EMG1: variants seen among roughly 807,000 people sequenced by gnomAD.
The protein encoded by EMG1 is EMG1 N1-specific pseudouridine methyltransferase, also known as ribosomal RNA small subunit methyltransferase NEP1.
Under a neutral mutation model 26.9 loss-of-function variants are expected in EMG1, and 24 were observed. The observed-to-expected ratio is 0.89, with a 90% CI of 0.65 to 1.26. The LOEUF (loss-of-function observed/expected upper bound fraction) is 1.26, where lower values mean the gene tolerates loss of function less well. EMG1 is among the 50% of genes most tolerant of loss of function. The pLI is 0.00. For synonymous variants in EMG1, 140 were observed against 112.6 expected (o/e 1.24, Z -1.54); for missense variants, 299 against 307.6 (o/e 0.97, Z 0.21).
At position 6,979,627 on chromosome 12, in the gene EMG1, T is replaced by A; in HGVS notation, c.*3818T>A. On this transcript the variant is annotated 3_prime_UTR_variant, in exon 6 of 6. Coordinates refer to ENST00000599672, the MANE Select transcript of EMG1 (RefSeq NM_006331.8). Reference sequence around the variant, plus strand: ...CCTGGTCACAGAGAGCAGAGACTATTCCCTTCACCCTCTGACCTTCAGTTA... The same window carrying A: ...CCTGGTCACAGAGAGCAGAGACTATACCCTTCACCCTCTGACCTTCAGTTA... 1 of 1,302,436 alleles carries A rather than the reference T, an allele frequency of 7.7e-7. No individual in the cohort carries two copies. Among genetic ancestry groups the A allele is most frequent in the Non-Finnish European group, 1.1e-6 (1 of 897,380 alleles). 80.7% of individuals were successfully genotyped at this position (1,302,436 alleles called of 1,614,324 possible).
In EMG1 at chr12:6,976,972, C is replaced by T; in HGVS notation, c.*1163C>T. Reference sequence around the variant, plus strand: ...TATAGCCCTTCCAGATGTTTCCTAGCATGCCTCAATAAGTCACAGTAGTCA... The same window carrying T: ...TATAGCCCTTCCAGATGTTTCCTAGTATGCCTCAATAAGTCACAGTAGTCA... On this transcript the variant is annotated 3_prime_UTR_variant, in exon 6 of 6. Coordinates refer to ENST00000599672, the MANE Select transcript of EMG1 (RefSeq NM_006331.8). 3.3e-6 allele frequency: 2 copies of T among 603,536 alleles called. No individual in the cohort carries two copies. The highest frequency in any genetic ancestry group is 3.0e-6 in the Non-Finnish European group (1 of 334,726). The allele number at this position is 603,536 out of a possible 1,614,324, so 37.4% of individuals were successfully genotyped here. A position where few individuals can be genotyped will look rare whatever the true frequency, so the allele number is the denominator to read the frequency against.
chr12:6,980,675 A>G (rs1207337538), downstream of EMG1: 1 of 169,272 alleles, frequency 5.9e-6, no homozygotes, highest in Non-Finnish European at 1.3e-5. Flanking sequence ...CTACCTACCT[A>G]TCAACCTGCC....
chr12:6,971,440 ATTT>A (rs368760181), intron 1 of EMG1, among the ~76,000 whole-genome samples: 1 of 151,646 alleles, frequency 6.6e-6, no homozygotes, highest in Non-Finnish European at 1.5e-5. Flanking sequence ...CGCCCGGCTA[ATTT>A]TTTTGTATTT....
rs782398003 is a variant in EMG1 at position 6,979,320 on chromosome 12, C to T, written c.*3511C>T. ...GCTGGCTGATGAACATGTCCCAGCA[C>T]GGCTGGCATTGACAACTCACAGATC... On this transcript the variant is annotated 3_prime_UTR_variant, in exon 6 of 6. Coordinates refer to ENST00000599672, the MANE Select transcript of EMG1 (RefSeq NM_006331.8). 6.4e-5 allele frequency: 41 copies of T among 642,480 alleles called. No individual in the cohort carries two copies. The highest frequency in any genetic ancestry group is 2.2e-4 in the East Asian group (8 of 36,552). The allele number at this position is 642,480 out of a possible 1,614,324, so 39.8% of individuals were successfully genotyped here. A position where few individuals can be genotyped will look rare whatever the true frequency, so the allele number is the denominator to read the frequency against.
At chr12:6,972,324 A>G (rs782563851) in intron 1 of EMG1, among the ~76,000 whole-genome samples, 3 of 152,196 alleles carry the variant, frequency 2.0e-5, no homozygotes, top group Admixed American at 6.5e-5. Flanking sequence ...AGGGTGTCTC[A>G]TGGACTTAGT....
intron 5 of EMG1, 38 bp downstream of exon 5, chr12:6,975,416 C>T: frequency 6.4e-7 from 1 of 1,550,660 alleles, no homozygotes; most frequent in Non-Finnish European, 8.7e-7. Context: ...CTTGGTAGAG[C>T]TGAACTTAGT....
chr12:6,975,663 C>T (rs782246603), intron 5 of EMG1, 33 bp from the exon 6 acceptor site: 21 of 1,411,774 alleles, frequency 1.5e-5, no homozygotes, highest in Non-Finnish European at 1.9e-5. Flanking sequence ...TACTGAGTGA[C>T]AGAGTTGGCT....
downstream of EMG1, among the ~76,000 whole-genome samples, chr12:6,992,930 A>G (rs1423277599): frequency 6.6e-6 from 1 of 152,202 alleles, no homozygotes; most frequent in East Asian, 1.9e-4. Context: ...AATACCTAAT[A>G]TAATGTAAAT....
In EMG1 at chr12:6,977,742, G is replaced by A; in HGVS notation, c.*1933G>A. ...CAAGGAACTTGAGTCGTTTGAAGAT[G>A]TAGCTGGAGAAAAGGGTGGGTGGGG... On this transcript the variant is annotated 3_prime_UTR_variant, in exon 6 of 6. Transcript: ENST00000599672. The surrounding 1 kb of genome is among the most constrained non-coding windows in gnomAD (Gnocchi z 4.5). 6.2e-7 allele frequency: 1 copy of A among 1,614,086 alleles called. No individual in the cohort carries two copies. The highest frequency in any genetic ancestry group is 2.2e-5 in the East Asian group (1 of 44,874).
At chr12:6,981,667 GGA>G, downstream of EMG1, 2 of 1,609,356 alleles carry the variant, frequency 1.2e-6, no homozygotes, top group Non-Finnish European at 1.7e-6. Context: ...TAGGGTGGTG[GGA>G]GAGGACACTG....
chr12:6,979,725 C>G lies in EMG1; in HGVS notation c.*3916C>G. 1.6e-6 allele frequency: 1 copy of G among 628,408 alleles called. No homozygotes were observed. Among genetic ancestry groups the G allele is most frequent in the South Asian group, 1.9e-5 (1 of 52,510 alleles). The allele number at this position is 628,408 out of a possible 1,614,324, so 38.9% of individuals were successfully genotyped here. A position where few individuals can be genotyped will look rare whatever the true frequency, so the allele number is the denominator to read the frequency against. On this transcript the variant is annotated 3_prime_UTR_variant, in exon 6 of 6. Coordinates refer to ENST00000599672, the MANE Select transcript of EMG1 (RefSeq NM_006331.8). ...GAAGCTCTGCTGCCCAAAGTGTTTC[C>G]TGTTTCAGGGAAAGATTTCTATGGC... is the stretch of plus-strand genomic sequence containing the variant.
intron 7 of EMG1, among the ~76,000 whole-genome samples, chr12:6,995,255 C>A (rs1284927673): frequency 6.6e-6 from 1 of 152,048 alleles, no homozygotes; most frequent in Non-Finnish European, 1.5e-5. Context: ...GCAGGCGGAT[C>A]ACCAGGTCAA....
downstream of EMG1, among the ~76,000 whole-genome samples, chr12:6,990,281 G>A (rs376909728): frequency 1.4e-3 from 215 of 151,320 alleles, 6 homozygotes; most frequent in East Asian, 0.039. Context: ...AGGCTGAGGC[G>A]GGCGGATCAC....
downstream of EMG1, among the ~76,000 whole-genome samples, chr12:6,983,967 AC>A (rs1946498071): frequency 6.6e-6 from 1 of 152,100 alleles, no homozygotes; most frequent in Non-Finnish European, 1.5e-5. Context: ...ACATAGCGAA[AC>A]CCCGTCTCTA....
In EMG1 at chr12:6,979,706, C is replaced by T; in HGVS notation, c.*3897C>T. 1 of 665,028 alleles carries T rather than the reference C, an allele frequency of 1.5e-6. No homozygotes were observed. The highest frequency in any genetic ancestry group is 1.8e-5 in the South Asian group (1 of 55,782). 41.2% of individuals were successfully genotyped at this position (665,028 alleles called of 1,614,324 possible). A position where few individuals can be genotyped will look rare whatever the true frequency, so the allele number is the denominator to read the frequency against. On this transcript the variant is annotated 3_prime_UTR_variant, in exon 6 of 6. Transcript: ENST00000599672. ...TCTACCTGGAATGGGATGAGAAGCT[C>T]TGCTGCCCAAAGTGTTTCCTGTTTC... is the stretch of plus-strand genomic sequence containing the variant.
At chr12:6,986,959 C>CA (rs1555154894) in intron 6 of EMG1, among the ~76,000 whole-genome samples, 1 of 151,826 alleles carries the variant, frequency 6.6e-6, no homozygotes, top group African/African-American at 2.4e-5. Context: ...ACTAAAAATA[C>CA]AAAAATTAGT....
chr12:6,978,098 T>G lies in EMG1; in HGVS notation c.*2289T>G, dbSNP rs782387220. ...AGGGCAGTGGAGGACATAAGTCCAT[T>G]GGCAGAGCTGGAGTAACACCCAGGT... On this transcript the variant is annotated 3_prime_UTR_variant, in exon 6 of 6. Coordinates refer to ENST00000599672, the MANE Select transcript of EMG1 (RefSeq NM_006331.8). The G allele has an allele frequency of 8.1e-5, 46 of 570,524 alleles. No individual in the cohort carries two copies. Among genetic ancestry groups the G allele is most frequent in the Non-Finnish European group, 1.3e-4 (43 of 323,740 alleles). 35.3% of individuals were successfully genotyped at this position (570,524 alleles called of 1,614,324 possible).
At chr12:6,990,689 G>A (rs989994527), downstream of EMG1, among the ~76,000 whole-genome samples, 10 of 151,450 alleles carry the variant, frequency 6.6e-5, no homozygotes, top group Admixed American at 2.6e-4. Context: ...TTGGGAGGCC[G>A]AGGTGGGTGG....
intron 7 of EMG1, among the ~76,000 whole-genome samples, chr12:6,994,190 A>G (rs1555155824): frequency 6.6e-6 from 1 of 152,042 alleles, no homozygotes; most frequent in Non-Finnish European, 1.5e-5. Context: ...ATACCTAGGA[A>G]TGGATCTCCT....
Sources: gnomAD v4.1 joint callset for allele counts (sites outside exome capture counted in the v4.1 genomes callset) on GRCh38, gnomAD v4.1.1 for gene constraint, Gnocchi (gnomAD v3.1) non-coding constraint, MANE v1.5 for transcripts, NCBI Gene and HGNC (gene_info 2026-07-23, HGNC 2026-07-21) for gene names.